FOXK1: variants seen among roughly 807,000 people sequenced by gnomAD.
FOXK1 encodes forkhead box K1.
FOXK1 carries 19 observed loss-of-function variants against 51.9 expected under a neutral mutation model. That is an observed-to-expected ratio of 0.37 (90% confidence interval 0.26 to 0.54). FOXK1 has a LOEUF of 0.54. Ranked by LOEUF, FOXK1 falls within the 20% of genes least tolerant of loss-of-function variation. The pLI is 0.87. For synonymous variants in FOXK1, 537 were observed against 482.6 expected (o/e 1.11, Z -1.48); for missense variants, 870 against 1,032.7 (o/e 0.84, Z 2.16).
intron 1 of FOXK1, among the ~76,000 whole-genome samples, chr7:4,696,932 G>A (rs1427965095): frequency 6.6e-6 from 1 of 152,148 alleles, no homozygotes; most frequent in Non-Finnish European, 1.5e-5. Flanking sequence ...GCCAGGCATG[G>A]TGGTGTGCTC....
intron 1 of FOXK1, among the ~76,000 whole-genome samples, chr7:4,694,244 T>A (rs1295870604): frequency 6.6e-6 from 1 of 152,112 alleles, no homozygotes; most frequent in African/African-American, 2.4e-5. Flanking sequence ...TTTTCTAGGT[T>A]TTTTTTTGTT....
intron 1 of FOXK1, among the ~76,000 whole-genome samples, chr7:4,696,193 C>T (rs935032979): frequency 1.3e-5 from 2 of 151,904 alleles, no homozygotes; most frequent in Admixed American, 6.6e-5. Flanking sequence ...TCCATTTGTC[C>T]CTGTCTTAAC....
intron 1 of FOXK1, among the ~76,000 whole-genome samples, chr7:4,691,659 T>G (rs1405044179): frequency 6.6e-6 from 1 of 152,138 alleles, no homozygotes; most frequent in Non-Finnish European, 1.5e-5. Context: ...ATGATTTGAT[T>G]AAGAAGAATC....
chr7:4,705,546 T>TCGCTCTCGCTCTCG lies in FOXK1; in HGVS notation c.560+22679_560+22680insGCTCTCGCTCTCGC, dbSNP rs1359587049. Among the ~76,000 whole-genome samples, 214 of 125,150 alleles carry TCGCTCTCGCTCTCG rather than the reference T, an allele frequency of 1.7e-3. 1 individual carries two copies. Among genetic ancestry groups the TCGCTCTCGCTCTCG allele is most frequent in the African/African-American group, 5.8e-3 (179 of 30,622 alleles). 82.1% of individuals were successfully genotyped at this position (125,150 alleles called of 152,430 possible). A position where few individuals can be genotyped will look rare whatever the true frequency, so the allele number is the denominator to read the frequency against. ...CTCTCTCTCTCTCTCTCTCTCTCTCTCTCTCTCTCTCTCGCTCTCGCTCTC... is the reference window on the plus strand; with the variant it reads ...CTCTCTCTCTCTCTCTCTCTCTCTCTCGCTCTCGCTCTCGCTCTCTCTCTCTCGCTCTCGCTCTC... On this transcript the variant is annotated intron_variant, in intron 1 of 8. Coordinates refer to ENST00000328914, the MANE Select transcript of FOXK1 (RefSeq NM_001037165.2).
In FOXK1 at chr7:4,740,483, C is replaced by T. The variant is rs530249216; in HGVS notation, c.561-355C>T. Among the ~76,000 whole-genome samples, 26 of 150,786 alleles carry T rather than the reference C, an allele frequency of 1.7e-4. No individual in the cohort carries two copies. The East Asian group carries it at 3.1e-3, about 18-fold the overall frequency. ...AAAATTAGCCGGGCGTGGTGGTGGG[C>T]GCTCGTAATCCCAGCTACTCAGGAG... On this transcript the variant is annotated intron_variant, in intron 1 of 8. Transcript: ENST00000328914.
Position 4,703,688 on chromosome 7 carries a change from G to A in FOXK1, c.560+20820G>A, listed in dbSNP as rs1347379808. Reference sequence around the variant, plus strand: ...GGTAGAGCTGCAGCTGGGGACTGGTGCGCCATGCAATTGACATAGCGCTGC... The same window carrying A: ...GGTAGAGCTGCAGCTGGGGACTGGTACGCCATGCAATTGACATAGCGCTGC... On this transcript the variant is annotated intron_variant, in intron 1 of 8. Coordinates refer to ENST00000328914, the MANE Select transcript of FOXK1 (RefSeq NM_001037165.2). The surrounding 1 kb of genome is among the most constrained non-coding windows in gnomAD (Gnocchi z 5.6). 6.6e-6 allele frequency among the ~76,000 whole-genome samples: 1 copy of A among 152,128 alleles called. No homozygotes were observed. The highest frequency in any genetic ancestry group is 1.5e-5 in the Non-Finnish European group (1 of 68,024).
At position 4,685,187 on chromosome 7, in the gene FOXK1, G is replaced by T. The variant is rs1430965309; in HGVS notation, c.560+2319G>T. Among the ~76,000 whole-genome samples, 4 of 146,926 alleles carry T rather than the reference G, an allele frequency of 2.7e-5. No homozygotes were observed. In the East Asian group the frequency reaches 6.1e-4, roughly 22 times the overall value. On this transcript the variant is annotated intron_variant, in intron 1 of 8. Transcript: ENST00000328914. ...GCAGAAGGAAAAACATTAAGTGGAT[G>T]TCCATGTCCACCCTCCTAGAAAAGA...
Position 4,706,033 on chromosome 7 carries a change from CGTGTATATACGTGTATAT to C in FOXK1, c.560+23166_560+23183del, listed in dbSNP as rs1780096088. Among the ~76,000 whole-genome samples the C allele has an allele frequency of 2.2e-5, 2 of 90,668 alleles. 1 individual carries two copies. The highest frequency in any genetic ancestry group is 2.3e-4 in the African/African-American group (2 of 8,558). 59.5% of individuals were successfully genotyped at this position (90,668 alleles called of 152,430 possible). A position where few individuals can be genotyped will look rare whatever the true frequency, so the allele number is the denominator to read the frequency against. On this transcript the variant is annotated intron_variant, in intron 1 of 8. Coordinates refer to ENST00000328914, the MANE Select transcript of FOXK1 (RefSeq NM_001037165.2). ...ATATACGTATATATACGTGTATATA[CGTGTATATACGTGTATAT>C]ATGTATATATATGTGTATATATGTA...
chr7:4,682,665 C>T lies in FOXK1; in HGVS notation c.357C>T (p.Arg119=), dbSNP rs1779766756. Residue 119 remains arginine, a synonymous_variant, in exon 1 of 9, where the codon CGC becomes CGT. Coordinates refer to ENST00000328914, the MANE Select transcript of FOXK1 (RefSeq NM_001037165.2). The surrounding 1 kb of genome is among the most constrained non-coding windows in gnomAD (Gnocchi z 7.6). ...LEGREFEFLM[R]QPSVTIGRNS... is the part of the protein sequence containing the mutation. Reference sequence around the variant, plus strand: ...GCCGCGAGTTCGAGTTCCTCATGCGCCAGCCCAGCGTCACCATCGGCCGCA... The same window carrying T: ...GCCGCGAGTTCGAGTTCCTCATGCGTCAGCCCAGCGTCACCATCGGCCGCA... 1.3e-6 allele frequency: 2 copies of T among 1,586,998 alleles called. No homozygotes were observed.
intron 1 of FOXK1, among the ~76,000 whole-genome samples, chr7:4,699,630 A>G (rs1779996744): frequency 6.6e-6 from 1 of 152,102 alleles, no homozygotes; most frequent in Non-Finnish European, 1.5e-5. Context: ...AGGCTTCCAC[A>G]GTGCCGGGAT....
At position 4,723,951 on chromosome 7, in the gene FOXK1, G is replaced by A. The variant is rs762488401; in HGVS notation, c.561-16887G>A. Among the ~76,000 whole-genome samples, 2 of 152,076 alleles carry A rather than the reference G, an allele frequency of 1.3e-5. No individual in the cohort carries two copies. Among genetic ancestry groups the A allele is most frequent in the African/African-American group, 4.8e-5 (2 of 41,366 alleles). On this transcript the variant is annotated intron_variant, in intron 1 of 8. Transcript: ENST00000328914. The surrounding 1 kb of genome is among the most constrained non-coding windows in gnomAD (Gnocchi z 4.7). ...TTCCCAAAGTGCTGGGATTACAGGC[G>A]TGCACCTCTGTGCTCGGCCCATTCG...
Position 4,683,951 on chromosome 7 carries a change from C to T in FOXK1, c.560+1083C>T, listed in dbSNP as rs1416142217. On this transcript the variant is annotated intron_variant, in intron 1 of 8. Transcript: ENST00000328914. The surrounding 1 kb of genome is among the most constrained non-coding windows in gnomAD (Gnocchi z 4.5). ...GTGCTCCTTGGATGGAGTAGCGGGACCCCAAGATCAAATTAGATTCCCCCG... is the reference window on the plus strand; with the variant it reads ...GTGCTCCTTGGATGGAGTAGCGGGATCCCAAGATCAAATTAGATTCCCCCG... Among the ~76,000 whole-genome samples the T allele has an allele frequency of 6.6e-6, 1 of 152,152 alleles. No individual in the cohort carries two copies. Among genetic ancestry groups the T allele is most frequent in the Non-Finnish European group, 1.5e-5 (1 of 68,032 alleles).
chr7:4,682,519 T>G lies in FOXK1; in HGVS notation c.211T>G (p.Ser71Ala). Residue 71 changes from serine (S) to alanine (A), a missense_variant, in exon 1 of 9, where the codon TCC (serine) becomes GCC (alanine). Ser to Ala is a moderately conservative substitution (Grantham distance 99). Transcript: ENST00000328914. This position sits in a 1 kb window ranked among gnomAD's most constrained non-coding sequence, Gnocchi z 7.6. ...PPGAIAGAGSSGGSSGVSGDS... is the reference protein window; with the variant it reads ...PPGAIAGAGSAGGSSGVSGDS... ...GGGCGCGATCGCGGGCGCGGGCTCC[T>G]CCGGGGGCTCCTCCGGGGTATCCGG... is the stretch of plus-strand genomic sequence containing the variant. 1 of 1,089,580 alleles carries G rather than the reference T, an allele frequency of 9.2e-7. No homozygotes were observed. Among genetic ancestry groups the G allele is most frequent in the Non-Finnish European group, 1.1e-6 (1 of 899,754 alleles). 67.5% of individuals were successfully genotyped at this position (1,089,580 alleles called of 1,614,324 possible).
At chr7:4,759,648 C>T in intron 7 of FOXK1, 53 bp downstream of exon 7, 1 of 1,494,768 alleles carries the variant, frequency 6.7e-7, no homozygotes, top group South Asian at 1.3e-5. Flanking sequence ...GTGGTCCCGG[C>T]CGGCAAGTCC....
Position 4,707,845 on chromosome 7 carries a change from G to A in FOXK1, c.560+24977G>A, listed in dbSNP as rs1258526159. Among the ~76,000 whole-genome samples, 11 of 152,046 alleles carry A rather than the reference G, an allele frequency of 7.2e-5. No individual in the cohort carries two copies. Among genetic ancestry groups the A allele is most frequent in the African/African-American group, 2.4e-4 (10 of 41,490 alleles). ...GATGATAGGGCCCGCCACCGTGTCC[G>A]GCTAATTTTTGTATTTTTAGTAGAG... On this transcript the variant is annotated intron_variant, in intron 1 of 8. Transcript: ENST00000328914. This position sits in a 1 kb window ranked among gnomAD's most constrained non-coding sequence, Gnocchi z 4.1.
intron 1 of FOXK1, among the ~76,000 whole-genome samples, chr7:4,697,441 C>A (rs1006747156): frequency 6.6e-6 from 1 of 152,308 alleles, no homozygotes; most frequent in Admixed American, 6.5e-5. Context: ...TTGGAACACA[C>A]CAGGCACATT....
At chr7:4,726,199 G>A (rs573307252) in intron 1 of FOXK1, among the ~76,000 whole-genome samples, 14 of 152,222 alleles carry the variant, frequency 9.2e-5, no homozygotes, top group African/African-American at 3.4e-4. Flanking sequence ...GGAGGCTTCC[G>A]TGTGTTTCAC....
At position 4,759,200 on chromosome 7, in the gene FOXK1, A is replaced by G; in HGVS notation, c.1394A>G (p.Tyr465Cys). The G allele has an allele frequency of 2.5e-6, 4 of 1,573,442 alleles. No homozygotes were observed. In the South Asian group the frequency reaches 4.4e-5, roughly 17 times the overall value. Reference protein sequence around the residue: ...SKLASVPEYRYSQSAPGSPVS... With the variant: ...SKLASVPEYRCSQSAPGSPVS... ...TTAGCTTCTGTCCCAGAGTACCGGT[A>G]TTCCCAAAGCGCACCCGGTAAGGAG... is the stretch of plus-strand genomic sequence containing the variant. The change falls in exon 6 of 9, where the codon TAT (tyrosine) becomes TGT (cysteine). Residue 465 changes from tyrosine (Y) to cysteine (C), a missense_variant. This residue lies in a region of FOXK1 where 457 missense variants were observed against 510.8 expected (regional missense o/e 0.89). Transcript: ENST00000328914.
intron 1 of FOXK1, among the ~76,000 whole-genome samples, chr7:4,684,184 G>C (rs1779790474): frequency 6.6e-6 from 1 of 152,136 alleles, no homozygotes; most frequent in Non-Finnish European, 1.5e-5. Flanking sequence ...ATTTCCTCTG[G>C]AGCCACTTTC....
Sources: gnomAD v4.1 joint callset for allele counts (sites outside exome capture counted in the v4.1 genomes callset) on GRCh38, gnomAD v4.1.1 for gene constraint, gnomAD v4.1.1 regional missense constraint, Gnocchi (gnomAD v3.1) non-coding constraint, MANE v1.5 for transcripts, NCBI Gene and HGNC (gene_info 2026-07-23, HGNC 2026-07-21) for gene names.